LRRTM3: variants seen among roughly 807,000 people sequenced by gnomAD.
LRRTM3 encodes leucine rich repeat transmembrane neuronal 3, also known as leucine-rich repeat transmembrane neuronal protein 3.
Under a neutral mutation model 44.7 loss-of-function variants are expected in LRRTM3, and 24 were observed. That is an observed-to-expected ratio of 0.54 (90% CI 0.39 to 0.76). LRRTM3 has a LOEUF of 0.76. Among genes scored for constraint, LRRTM3 ranks in the 30% least tolerant of loss-of-function variants. The probability of loss-of-function intolerance (pLI) is 0.00; values close to 1 mark genes in which losing one functional copy is unlikely to be tolerated. For missense variants in LRRTM3, 587 were observed against 702.2 expected (o/e 0.84, Z 1.85); for synonymous variants, 277 against 278.7 (o/e 0.99, Z 0.06).
chr10:67,007,256 C>T (rs967266363), intron 2 of LRRTM3, among the ~76,000 whole-genome samples: 3 of 152,142 alleles, frequency 2.0e-5, no homozygotes, highest in Admixed American at 6.5e-5. Flanking sequence ...TAGACTGTGA[C>T]TCACCATGTA....
chr10:66,994,417 G>A (rs1423654965), intron 2 of LRRTM3, among the ~76,000 whole-genome samples: 1 of 152,164 alleles, frequency 6.6e-6, no homozygotes, highest in Non-Finnish European at 1.5e-5. Context: ...GAAGCTCAGT[G>A]TGAGTCTCTT....
chr10:66,939,905 CTCTT>C (rs1256172164), intron 2 of LRRTM3, among the ~76,000 whole-genome samples: 1 of 152,186 alleles, frequency 6.6e-6, no homozygotes, highest in African/African-American at 2.4e-5. Flanking sequence ...CTCAAGTTCT[CTCTT>C]TGTTATCCAC....
chr10:67,056,073 T>G (rs1855409758), intron 2 of LRRTM3, among the ~76,000 whole-genome samples: 1 of 152,080 alleles, frequency 6.6e-6, no homozygotes, highest in Non-Finnish European at 1.5e-5. Flanking sequence ...TGTAAAGTAT[T>G]GGAAAGAACA....
At chr10:67,095,661 G>A (rs1857946637) in intron 2 of LRRTM3, among the ~76,000 whole-genome samples, 1 of 151,780 alleles carries the variant, frequency 6.6e-6, no homozygotes. Flanking sequence ...TTAATTCTAA[G>A]TAAGCCAGAA....
intron 2 of LRRTM3, among the ~76,000 whole-genome samples, chr10:66,938,981 T>C (rs1185971311): frequency 6.6e-6 from 1 of 152,150 alleles, no homozygotes; most frequent in Non-Finnish European, 1.5e-5. Flanking sequence ...GATGTCTCCT[T>C]ATCTCAGCCC....
chr10:66,993,400 G>C (rs1490284079), intron 2 of LRRTM3, among the ~76,000 whole-genome samples: 1 of 152,096 alleles, frequency 6.6e-6, no homozygotes, highest in Non-Finnish European at 1.5e-5. Context: ...CTTGATGGGG[G>C]AGTGGCAATG....
chr10:67,024,638 G>A (rs557614516), intron 2 of LRRTM3, among the ~76,000 whole-genome samples: 3 of 152,104 alleles, frequency 2.0e-5, no homozygotes, highest in Non-Finnish European at 4.4e-5. Flanking sequence ...ATATGCAAAT[G>A]GGTGTAACCA....
Position 66,927,525 on chromosome 10 carries a change from C to G in LRRTM3, c.609C>G (p.Gly203=). Residue 203 remains glycine (G), a synonymous_variant, in exon 2 of 3, where the codon GGC becomes GGG. Coordinates refer to ENST00000361320, the MANE Select transcript of LRRTM3 (RefSeq NM_178011.5). The surrounding 1 kb of genome is among the most constrained non-coding windows in gnomAD (Gnocchi z 4.7). ...IRSLARNVFA[G]MIRLKELHLE... ...GTTTAGCCAGGAATGTCTTTGCTGG[C>G]ATGATCAGACTCAAAGAACTTCACC... 1 of 1,614,182 alleles carries G rather than the reference C, an allele frequency of 6.2e-7. No homozygotes were observed. The highest frequency in any genetic ancestry group is 8.5e-7 in the Non-Finnish European group (1 of 1,180,044).
chr10:66,955,881 T>TG lies in LRRTM3; in HGVS notation c.1536+27435dup, dbSNP rs564200058. On this transcript the variant is annotated intron_variant, in intron 2 of 2. Transcript: ENST00000361320. ...CTCACCTTCATCACCAAGATCTGAC[T>TG]GGGGGGTATCTTTCTCTAGTGACGC... 7.9e-5 allele frequency among the ~76,000 whole-genome samples: 12 copies of TG among 152,202 alleles called. No homozygotes were observed. In the South Asian group the frequency reaches 2.1e-3, roughly 26 times the overall value.
intron 2 of LRRTM3, among the ~76,000 whole-genome samples, chr10:66,965,433 G>T (rs1016489965): frequency 6.6e-6 from 1 of 151,906 alleles, no homozygotes; most frequent in South Asian, 2.1e-4. Flanking sequence ...TACTCAGGAG[G>T]CTGAGGCAGG....
intron 2 of LRRTM3, among the ~76,000 whole-genome samples, chr10:66,948,226 G>C (rs903181625): frequency 7.2e-5 from 11 of 152,160 alleles, no homozygotes; most frequent in African/African-American, 2.7e-4. Flanking sequence ...TTGGTGAACT[G>C]TGATCAGACA....
chr10:67,097,263 A>G (rs1858056001), intron 2 of LRRTM3, among the ~76,000 whole-genome samples: 1 of 151,934 alleles, frequency 6.6e-6, no homozygotes. Flanking sequence ...CAGTTCTAAA[A>G]ACACAATTAT....
chr10:66,941,038 A>G (rs929721850), intron 2 of LRRTM3, among the ~76,000 whole-genome samples: 2 of 152,352 alleles, frequency 1.3e-5, no homozygotes, highest in East Asian at 1.9e-4. Flanking sequence ...AGAAAGCCCA[A>G]CATACTCTTA....
chr10:67,032,456 G>C (rs1424296033), intron 2 of LRRTM3, among the ~76,000 whole-genome samples: 1 of 151,968 alleles, frequency 6.6e-6, no homozygotes, highest in Admixed American at 6.6e-5. Flanking sequence ...AATTTAAGAG[G>C]AGGAAAAAAA....
At chr10:66,974,007 T>G (rs1395494833) in intron 2 of LRRTM3, among the ~76,000 whole-genome samples, 1 of 152,206 alleles carries the variant, frequency 6.6e-6, no homozygotes, top group African/African-American at 2.4e-5. Context: ...TTTTACCAAC[T>G]GTATACACCA....
intron 2 of LRRTM3, among the ~76,000 whole-genome samples, chr10:67,049,106 T>C (rs1227233855): frequency 1.3e-5 from 2 of 151,968 alleles, no homozygotes; most frequent in Non-Finnish European, 2.9e-5. Context: ...TTGTGGTCTA[T>C]GGAACAAGAT....
At chr10:67,013,584 T>C (rs550857882) in intron 2 of LRRTM3, among the ~76,000 whole-genome samples, 45 of 152,310 alleles carry the variant, frequency 3.0e-4, no homozygotes, top group African/African-American at 1.0e-3. Flanking sequence ...AGCACAGTTA[T>C]ACTTGTTGAT....
At chr10:66,968,625 A>C (rs1186650005) in intron 2 of LRRTM3, among the ~76,000 whole-genome samples, 2 of 152,102 alleles carry the variant, frequency 1.3e-5, no homozygotes, top group Non-Finnish European at 2.9e-5. Context: ...GACACTCAAT[A>C]CATATTCATT....
intron 2 of LRRTM3, among the ~76,000 whole-genome samples, chr10:67,090,903 A>T (rs1013549683): frequency 3.3e-5 from 5 of 152,014 alleles, no homozygotes; most frequent in African/African-American, 9.7e-5. Flanking sequence ...AATTGCTTAC[A>T]CTATTTATCT....
Sources: allele counts gnomAD v4.1 joint callset (sites outside exome capture counted in the v4.1 genomes callset), GRCh38; gene constraint gnomAD v4.1.1; non-coding constraint Gnocchi (gnomAD v3.1); transcripts MANE v1.5; gene names NCBI Gene and HGNC (gene_info 2026-07-23, HGNC 2026-07-21).